Variants in HECW2 observed in about 807,000 individuals in gnomAD.
HECW2 encodes HECT, C2 and WW domain containing E3 ubiquitin protein ligase 2.
Under a neutral mutation model 175.2 loss-of-function variants are expected in HECW2, and 61 were observed. The ratio of observed to expected loss-of-function variants is 0.35; its 90% CI spans 0.28 to 0.43. The LOEUF (loss-of-function observed/expected upper bound fraction) is 0.43, where lower values mean the gene tolerates loss of function less well. Ranked by LOEUF, HECW2 falls within the 20% of genes least tolerant of loss-of-function variation. The pLI is 1.00. For missense variants in HECW2, 1,524 were observed against 2,000.5 expected (o/e 0.76, Z 4.54); for synonymous variants, 671 against 731.0 (o/e 0.92, Z 1.32).
At chr2:196,268,896 T>C (rs898290976) in intron 17 of HECW2, among the ~76,000 whole-genome samples, 5 of 152,222 alleles carry the variant, frequency 3.3e-5, no homozygotes, top group African/African-American at 1.2e-4. Context: ...TTTCTGCAAT[T>C]TTTTAGAACT....
intron 19 of HECW2, among the ~76,000 whole-genome samples, chr2:196,243,525 T>C (rs1688540637): frequency 6.6e-6 from 1 of 152,166 alleles, no homozygotes; most frequent in Admixed American, 6.5e-5. Flanking sequence ...TATAAGCATA[T>C]TTTATACGTT....
intron 28 of HECW2, among the ~76,000 whole-genome samples, chr2:196,206,484 T>C (rs1372162574): frequency 2.0e-5 from 3 of 152,228 alleles, no homozygotes; most frequent in African/African-American, 4.8e-5. Flanking sequence ...TCCATTTCCA[T>C]AGATTGGTTT....
intron 1 of HECW2, among the ~76,000 whole-genome samples, chr2:196,491,365 TATATACACACACAC>T (rs1432569821): frequency 3.0e-5 from 3 of 100,674 alleles, no homozygotes; most frequent in Non-Finnish European, 4.1e-5. Flanking sequence ...AAATCATATA[TATATACACACACAC>T]ACACACACAC....
chr2:196,439,745 A>C (rs891649022), intron 1 of HECW2, among the ~76,000 whole-genome samples: 1 of 152,130 alleles, frequency 6.6e-6, no homozygotes, highest in Non-Finnish European at 1.5e-5. Flanking sequence ...CAGGGTCTTG[A>C]GAAGAGAGGC....
chr2:196,320,832 G>A (rs6707866), intron 7 of HECW2, among the ~76,000 whole-genome samples: 6,449 of 152,224 alleles, frequency 0.042, 491 homozygotes, highest in African/African-American at 0.15. Flanking sequence ...AAAGGGGAGA[G>A]AGCCTGGTTC....
At position 196,418,207 on chromosome 2, in the gene HECW2, C is replaced by T. The variant is rs111312286; in HGVS notation, c.292+14925G>A. 1.1e-3 allele frequency among the ~76,000 whole-genome samples: 167 copies of T among 152,078 alleles called. 1 individual carries two copies. The highest frequency in any genetic ancestry group is 3.8e-3 in the African/African-American group (158 of 41,494). On this transcript the variant is annotated intron_variant, in intron 2 of 28. Coordinates refer to ENST00000644978, the MANE Select transcript of HECW2 (RefSeq NM_001348768.2). ...GCAGTGGCACCATCTCGGCTCACTGCAAGCTCTGCCTCCCGGGTTCACGCC... is the reference window on the plus strand; with the variant it reads ...GCAGTGGCACCATCTCGGCTCACTGTAAGCTCTGCCTCCCGGGTTCACGCC...
chr2:196,234,436 A>T (rs1688166592), intron 21 of HECW2, among the ~76,000 whole-genome samples: 1 of 151,986 alleles, frequency 6.6e-6, no homozygotes, highest in East Asian at 1.9e-4. Flanking sequence ...TACAGACACA[A>T]GCCATCACAA....
Position 196,482,741 on chromosome 2 carries a change from A to G in HECW2, c.-35-49283T>C, listed in dbSNP as rs148957485. 1.8e-4 allele frequency among the ~76,000 whole-genome samples: 28 copies of G among 152,306 alleles called. No individual in the cohort carries two copies. In the East Asian group the frequency reaches 5.2e-3, roughly 28 times the overall value. ...CTGCTGACGCATGCTCCACTGTCCT[A>G]TTGGACTTCACTTACAAAATCACAA... is the stretch of plus-strand genomic sequence containing the variant. On this transcript the variant is annotated intron_variant, in intron 1 of 28. Coordinates refer to ENST00000644978, the MANE Select transcript of HECW2 (RefSeq NM_001348768.2).
intron 2 of HECW2, among the ~76,000 whole-genome samples, chr2:196,431,779 TG>T (rs1244991081): frequency 6.6e-6 from 1 of 152,228 alleles, no homozygotes; most frequent in East Asian, 1.9e-4. Flanking sequence ...TCCCCTTTTT[TG>T]TTTACCATAA....
chr2:196,244,846 G>A (rs1159670903), intron 19 of HECW2, among the ~76,000 whole-genome samples: 1 of 152,196 alleles, frequency 6.6e-6, no homozygotes, highest in Non-Finnish European at 1.5e-5. Flanking sequence ...TTGATCAGAA[G>A]GGTTGGAGCC....
intron 1 of HECW2, among the ~76,000 whole-genome samples, chr2:196,555,227 A>T (rs956498548): frequency 6.6e-6 from 1 of 152,166 alleles, no homozygotes; most frequent in Non-Finnish European, 1.5e-5. Flanking sequence ...ATCATTATGG[A>T]GGCGGGGAGG....
intron 2 of HECW2, among the ~76,000 whole-genome samples, chr2:196,350,193 G>A (rs538549199): frequency 4.6e-5 from 7 of 152,120 alleles, no homozygotes; most frequent in African/African-American, 7.2e-5. Flanking sequence ...GTGAAACCTC[G>A]ACTCTAATAA....
intron 10 of HECW2, among the ~76,000 whole-genome samples, chr2:196,313,078 T>C (rs989272159): frequency 3.9e-5 from 6 of 152,148 alleles, no homozygotes; most frequent in African/African-American, 1.4e-4. Context: ...ACCCAGACTG[T>C]TCATCTTGAA....
chr2:196,242,374 G>T (rs1688489366), intron 19 of HECW2, 170 bp from the exon 20 acceptor site: 1 of 743,630 alleles, frequency 1.3e-6, no homozygotes, highest in Non-Finnish European at 2.1e-6. Flanking sequence ...CTCAACCAAG[G>T]TCTTAAGTGA....
intron 14 of HECW2, chr2:196,291,756 G>A (rs1289431151): frequency 1.3e-5 from 2 of 152,198 alleles, no homozygotes; most frequent in African/African-American, 4.8e-5. Flanking sequence ...TGCACATGGA[G>A]CTGCTTATCT....
intron 1 of HECW2, among the ~76,000 whole-genome samples, chr2:196,504,575 C>T (rs1350567549): frequency 1.3e-5 from 2 of 152,198 alleles, no homozygotes; most frequent in African/African-American, 4.8e-5. Flanking sequence ...GAAATGCTAA[C>T]AGGTCCATGC....
At chr2:196,270,066 G>A (rs6746308) in intron 17 of HECW2, among the ~76,000 whole-genome samples, 66,009 of 152,064 alleles carry the variant, frequency 0.43, 16,476 homozygotes, top group South Asian at 0.67. Flanking sequence ...CAGTATTTGG[G>A]AATCACTGCT....
At chr2:196,527,211 G>C (rs1284949714) in intron 1 of HECW2, among the ~76,000 whole-genome samples, 1 of 152,218 alleles carries the variant, frequency 6.6e-6, no homozygotes. Context: ...TCTGAAAAGC[G>C]CAATATTCGG....
chr2:196,300,425 A>T (rs189365254), intron 13 of HECW2, among the ~76,000 whole-genome samples: 1 of 152,398 alleles, frequency 6.6e-6, no homozygotes, highest in Non-Finnish European at 1.5e-5. Context: ...AAATAGCACA[A>T]ACACACATAA....
Sources: gnomAD v4.1 joint callset for allele counts (sites outside exome capture counted in the v4.1 genomes callset) on GRCh38, gnomAD v4.1.1 for gene constraint, MANE v1.5 for transcripts, NCBI Gene and HGNC (gene_info 2026-07-23, HGNC 2026-07-21) for gene names.